The following XKR4 variants were observed in gnomAD, a reference collection of about 807,000 sequenced individuals.
XKR4 encodes XK-related protein 4.
In XKR4, 12 loss-of-function variants were observed where a neutral mutation model predicts 53.9. The ratio of observed to expected loss-of-function variants is 0.22; its 90% CI spans 0.14 to 0.36. XKR4 has a LOEUF of 0.36. XKR4 is among the 10% of genes least tolerant of loss of function. The probability of loss-of-function intolerance (pLI) is 1.00; values close to 1 mark genes in which losing one functional copy is unlikely to be tolerated. For synonymous variants in XKR4, 354 were observed against 362.4 expected (o/e 0.98, Z 0.26); for missense variants, 799 against 859.5 (o/e 0.93, Z 0.88).
chr8:55,214,546 T>G (rs947253783), intron 1 of XKR4, among the ~76,000 whole-genome samples: 2 of 152,222 alleles, frequency 1.3e-5, no homozygotes, highest in Admixed American at 1.3e-4. Flanking sequence ...TACAGGTACA[T>G]GGACATCACC....
intron 2 of XKR4, among the ~76,000 whole-genome samples, chr8:55,431,381 T>A (rs142961774): frequency 6.6e-6 from 1 of 152,310 alleles, no homozygotes; most frequent in African/African-American, 2.4e-5. Context: ...TTATTTCACA[T>A]TAAAGGGAAT....
chr8:55,391,988 T>A (rs1487090623), intron 2 of XKR4, among the ~76,000 whole-genome samples: 1 of 152,190 alleles, frequency 6.6e-6, no homozygotes, highest in African/African-American at 2.4e-5. Flanking sequence ...TGGAAATAAG[T>A]AATTTTGTTA....
intron 2 of XKR4, among the ~76,000 whole-genome samples, chr8:55,441,596 A>G (rs541266074): frequency 6.6e-6 from 1 of 152,334 alleles, no homozygotes; most frequent in East Asian, 1.9e-4. Flanking sequence ...ACAACAGACC[A>G]AATTCTGGAC....
intron 2 of XKR4, among the ~76,000 whole-genome samples, chr8:55,474,553 GTATTTTAAGATAC>G (rs1378062363): frequency 6.6e-6 from 1 of 152,084 alleles, no homozygotes; most frequent in East Asian, 1.9e-4. Context: ...ATGTCATCTA[GTATTTTAAGATAC>G]TCCTGGAACA....
At chr8:55,485,717 C>T (rs925093950) in intron 2 of XKR4, among the ~76,000 whole-genome samples, 2 of 151,976 alleles carry the variant, frequency 1.3e-5, no homozygotes, top group African/African-American at 4.8e-5. Context: ...TCTTTTTCTA[C>T]TGGTTATAGA....
intron 1 of XKR4, among the ~76,000 whole-genome samples, chr8:55,143,944 A>G (rs1029205303): frequency 2.0e-5 from 3 of 152,204 alleles, no homozygotes; most frequent in Non-Finnish European, 4.4e-5. Context: ...CCAGACTTCT[A>G]TCTCTAACAG....
At chr8:55,425,662 CT>C (rs1805001910) in intron 2 of XKR4, among the ~76,000 whole-genome samples, 2 of 152,162 alleles carry the variant, frequency 1.3e-5, no homozygotes, top group Admixed American at 1.3e-4. Context: ...CGTGAGAAAC[CT>C]GGGTGGTCCC....
chr8:55,280,766 G>T (rs997967731), intron 1 of XKR4, among the ~76,000 whole-genome samples: 3 of 152,020 alleles, frequency 2.0e-5, no homozygotes, highest in Non-Finnish European at 4.4e-5. Context: ...ATAATATGAG[G>T]TATCAATGGC....
At position 55,446,505 on chromosome 8, in the gene XKR4, C is replaced by A. The variant is rs527260441; in HGVS notation, c.1007-76776C>A. The stretch of plus-strand genomic sequence containing the variant: ...TACAGGTGCACGCCACCAGTCCTGG[C>A]CAATTTTTTTGTTGCTGTATTTTAG... On this transcript the variant is annotated intron_variant, in intron 2 of 2. Coordinates refer to ENST00000327381, the MANE Select transcript of XKR4 (RefSeq NM_052898.2). Among the ~76,000 whole-genome samples, 14 of 152,230 alleles carry A rather than the reference C, an allele frequency of 9.2e-5. No homozygotes were observed. The South Asian group carries it at 2.9e-3, about 32-fold the overall frequency.
At chr8:55,331,845 T>C (rs188312398) in intron 1 of XKR4, among the ~76,000 whole-genome samples, 3 of 152,280 alleles carry the variant, frequency 2.0e-5, no homozygotes, top group African/African-American at 7.2e-5. Context: ...ATAAGATATG[T>C]GTCTTACAGA....
chr8:55,163,015 C>T (rs1181243662), intron 1 of XKR4, among the ~76,000 whole-genome samples: 4 of 152,096 alleles, frequency 2.6e-5, no homozygotes, highest in Admixed American at 2.0e-4. Flanking sequence ...ATTAATGTCA[C>T]CATGCAGAGA....
At chr8:55,215,361 C>T (rs1433769381) in intron 1 of XKR4, among the ~76,000 whole-genome samples, 1 of 151,964 alleles carries the variant, frequency 6.6e-6, no homozygotes, top group African/African-American at 2.4e-5. Flanking sequence ...AATATTTTTC[C>T]CAAGGAATAG....
intron 2 of XKR4, among the ~76,000 whole-genome samples, chr8:55,404,761 G>A (rs527295085): frequency 2.0e-5 from 3 of 152,238 alleles, no homozygotes; most frequent in East Asian, 3.9e-4. Context: ...GCTGCTTTTT[G>A]TAGAATATCA....
At chr8:55,118,626 G>A (rs1175621386) in intron 1 of XKR4, among the ~76,000 whole-genome samples, 1 of 152,156 alleles carries the variant, frequency 6.6e-6, no homozygotes, top group Non-Finnish European at 1.5e-5. Context: ...TATAAACAAT[G>A]CCAAACGTTC....
At chr8:55,486,004 A>G (rs1310188803) in intron 2 of XKR4, among the ~76,000 whole-genome samples, 1 of 152,236 alleles carries the variant, frequency 6.6e-6, no homozygotes, top group Non-Finnish European at 1.5e-5. Context: ...AACATGAAAG[A>G]ATACTACTTC....
intron 2 of XKR4, among the ~76,000 whole-genome samples, chr8:55,466,186 A>G (rs1805765333): frequency 6.6e-6 from 1 of 152,182 alleles, no homozygotes. Flanking sequence ...ACACATGCAT[A>G]TGTATGTTTA....
chr8:55,219,758 T>C (rs756259232), intron 1 of XKR4, among the ~76,000 whole-genome samples: 12 of 152,230 alleles, frequency 7.9e-5, no homozygotes, highest in Non-Finnish European at 1.2e-4. Context: ...TGTTTGCTTT[T>C]TTATAATCTT....
intron 1 of XKR4, among the ~76,000 whole-genome samples, chr8:55,248,996 T>C (rs1317865904): frequency 6.6e-6 from 1 of 152,192 alleles, no homozygotes. Flanking sequence ...AGAATTTCTC[T>C]CTCTTTCTCT....
In XKR4 at chr8:55,536,229, T is replaced by C. The variant is rs1205740978; in HGVS notation, c.*12002T>C. On this transcript the variant is annotated 3_prime_UTR_variant, in exon 3 of 3. Coordinates refer to ENST00000327381, the MANE Select transcript of XKR4 (RefSeq NM_052898.2). ...ATTCTTGAGAGAATAATTTTCAGAATAATGGAGGTGGAAAGAAATGAACAG... is the reference window on the plus strand; with the variant it reads ...ATTCTTGAGAGAATAATTTTCAGAACAATGGAGGTGGAAAGAAATGAACAG... 1 of 152,194 alleles carries C rather than the reference T, an allele frequency of 6.6e-6. No individual in the cohort carries two copies. The highest frequency in any genetic ancestry group is 1.5e-5 in the Non-Finnish European group (1 of 68,030). 9.4% of individuals were successfully genotyped at this position (152,194 alleles called of 1,614,324 possible).
Sources: allele counts gnomAD v4.1 joint callset (sites outside exome capture counted in the v4.1 genomes callset), GRCh38; gene constraint gnomAD v4.1.1; transcripts MANE v1.5; gene names NCBI Gene and HGNC (gene_info 2026-07-23, HGNC 2026-07-21).